NELL1: variants seen among roughly 807,000 people sequenced by gnomAD.
The protein encoded by NELL1 is protein kinase C-binding protein NELL1.
Under a neutral mutation model 107.4 loss-of-function variants are expected in NELL1, and 76 were observed. The observed-to-expected ratio is 0.71, with a 90% CI of 0.59 to 0.86. NELL1 has a LOEUF of 0.86. Among genes scored for constraint, NELL1 ranks in the 40% least tolerant of loss-of-function variants. The probability of loss-of-function intolerance (pLI) is 0.00; values close to 1 mark genes in which losing one functional copy is unlikely to be tolerated. For synonymous variants in NELL1, 353 were observed against 341.2 expected, an observed-to-expected ratio of 1.03 and a Z score of -0.38; for missense variants, 1,024 against 1,005.5, an observed-to-expected ratio of 1.02 and a Z score of -0.25.
At chr11:20,696,570 G>A (rs1347183354) in intron 2 of NELL1, among the ~76,000 whole-genome samples, 4 of 152,064 alleles carry the variant, frequency 2.6e-5, no homozygotes, top group Admixed American at 2.6e-4. Context: ...CTAGAAGAGG[G>A]AAAGCCTTTG....
chr11:21,010,252 C>T (rs189832273), intron 12 of NELL1, among the ~76,000 whole-genome samples: 64 of 152,208 alleles, frequency 4.2e-4, no homozygotes, highest in African/African-American at 1.5e-3. Flanking sequence ...CTACTGTTTA[C>T]TTCCATTCTT....
chr11:21,534,568 G>A (rs574017962), intron 16 of NELL1, 54 bp downstream of exon 16: 2 of 1,586,688 alleles, frequency 1.3e-6, no homozygotes, highest in Non-Finnish European at 1.7e-6. Context: ...CAGGAGGTGT[G>A]GCTTGCTTTG....
chr11:20,691,653 A>C lies in NELL1; in HGVS notation c.184+13593A>C, dbSNP rs549409424. On this transcript the variant is annotated intron_variant, in intron 2 of 19. Coordinates refer to ENST00000357134, the MANE Select transcript of NELL1 (RefSeq NM_006157.5). ...TGAAGCCAACTTGATCATGGTGGAT[A>C]AGCTTTTTGATGTGCTGCTGGATTT... Among the ~76,000 whole-genome samples the C allele has an allele frequency of 1.7e-4, 26 of 152,072 alleles. No homozygotes were observed. In the East Asian group the frequency reaches 3.7e-3, roughly 21 times the overall value.
chr11:20,941,880 G>A (rs1236221111), intron 10 of NELL1, among the ~76,000 whole-genome samples: 1 of 152,120 alleles, frequency 6.6e-6, no homozygotes, highest in African/African-American at 2.4e-5. Context: ...GGAAGGAAAG[G>A]CAGGAGAGCA....
intron 12 of NELL1, among the ~76,000 whole-genome samples, chr11:21,013,722 A>G (rs1429799032): frequency 1.3e-5 from 2 of 152,132 alleles, no homozygotes; most frequent in Non-Finnish European, 2.9e-5. Context: ...CAATTAATGA[A>G]CCAATGTTAA....
intron 14 of NELL1, among the ~76,000 whole-genome samples, chr11:21,337,823 T>TCTTGCTTGCTTGCTTG (rs1555006189): frequency 2.6e-4 from 9 of 34,736 alleles, no homozygotes; most frequent in African/African-American, 7.0e-4. Context: ...TTTCCTTCTT[T>TCTTGCTTGCTTGCTTG]CTTTCTTTCT....
chr11:21,440,913 A>G (rs1001091158), intron 15 of NELL1, among the ~76,000 whole-genome samples: 23 of 152,172 alleles, frequency 1.5e-4, no homozygotes, highest in Non-Finnish European at 2.9e-4. Context: ...ATAGACCAGA[A>G]TTATATTAAA....
chr11:21,358,553 C>G (rs923833445), intron 14 of NELL1, among the ~76,000 whole-genome samples: 10 of 148,410 alleles, frequency 6.7e-5, no homozygotes, highest in African/African-American at 2.2e-4. Context: ...CACATGCCAC[C>G]ATGCCCTGAT....
chr11:20,777,929 G>A (rs1358895868), intron 2 of NELL1, among the ~76,000 whole-genome samples: 1 of 152,214 alleles, frequency 6.6e-6, no homozygotes, highest in African/African-American at 2.4e-5. Context: ...TTGTGCTAAT[G>A]TGGTACCCCT....
intron 14 of NELL1, among the ~76,000 whole-genome samples, chr11:21,282,236 G>A (rs774888531): frequency 3.0e-4 from 45 of 152,188 alleles, no homozygotes; most frequent in Admixed American, 8.5e-4. Flanking sequence ...TGGCAAACAA[G>A]CATATGAAAA....
intron 12 of NELL1, among the ~76,000 whole-genome samples, chr11:20,978,474 G>T (rs536790895): frequency 1.3e-5 from 2 of 152,136 alleles, no homozygotes; most frequent in South Asian, 2.1e-4. Flanking sequence ...CCAAATATCA[G>T]AGTCTAAATG....
chr11:20,819,677 C>T (rs1241681698), intron 3 of NELL1, among the ~76,000 whole-genome samples: 1 of 152,178 alleles, frequency 6.6e-6, no homozygotes, highest in African/African-American at 2.4e-5. Context: ...CGATAAGTTC[C>T]CCTTCTTTAA....
chr11:20,718,548 G>C (rs1855306820), intron 2 of NELL1, among the ~76,000 whole-genome samples: 1 of 151,996 alleles, frequency 6.6e-6, no homozygotes, highest in Non-Finnish European at 1.5e-5. Context: ...CTGGGTACTG[G>C]GATATAGCTT....
At chr11:20,853,315 G>T (rs60105074) in intron 4 of NELL1, among the ~76,000 whole-genome samples, 2 of 152,168 alleles carry the variant, frequency 1.3e-5, no homozygotes, top group Admixed American at 6.5e-5. Context: ...GCGCTCCGTG[G>T]TTTAATCTAG....
chr11:21,342,709 G>C (rs891435142), intron 14 of NELL1, among the ~76,000 whole-genome samples: 6 of 150,520 alleles, frequency 4.0e-5, no homozygotes, highest in African/African-American at 1.5e-4. Flanking sequence ...GAGGGAGAGA[G>C]AGAGAGAGAG....
chr11:21,056,861 T>C (rs1031701466), intron 12 of NELL1, among the ~76,000 whole-genome samples: 4 of 152,062 alleles, frequency 2.6e-5, no homozygotes, highest in Non-Finnish European at 4.4e-5. Context: ...CTGAATTACT[T>C]CCTGAAATTA....
At chr11:21,455,044 T>C (rs1853691317) in intron 15 of NELL1, among the ~76,000 whole-genome samples, 1 of 152,242 alleles carries the variant, frequency 6.6e-6, no homozygotes, top group South Asian at 2.1e-4. Flanking sequence ...TGTGAAGAAC[T>C]TCCATAAACT....
intron 1 of NELL1, chr11:20,674,372 G>A (rs898479914): frequency 1.0e-5 from 8 of 766,096 alleles, no homozygotes; most frequent in South Asian, 1.7e-5. Context: ...CACCACCTAT[G>A]TGCCAGATGG....
chr11:21,337,149 G>C (rs1349521259), intron 14 of NELL1, among the ~76,000 whole-genome samples: 1 of 152,084 alleles, frequency 6.6e-6, no homozygotes, highest in East Asian at 1.9e-4. Flanking sequence ...AGTACAGAGT[G>C]CAGTATTTCC....
Sources: allele counts gnomAD v4.1 joint callset (sites outside exome capture counted in the v4.1 genomes callset), GRCh38; gene constraint gnomAD v4.1.1; transcripts MANE v1.5; gene names NCBI Gene and HGNC (gene_info 2026-07-23, HGNC 2026-07-21).